The following ZMAT4 variants were observed in gnomAD, a reference collection of about 807,000 sequenced individuals.
ZMAT4 encodes zinc finger matrin-type 4, also known as zinc finger matrin-type protein 4.
A neutral mutation model predicts 28.7 loss-of-function variants in ZMAT4; 17 were observed. That is an observed-to-expected ratio of 0.59 (90% CI 0.41 to 0.89). ZMAT4 has a LOEUF of 0.89. Ranked by LOEUF, ZMAT4 falls within the 40% of genes least tolerant of loss-of-function variation. The pLI is 0.00. For missense variants in ZMAT4, 240 were observed against 283.8 expected (o/e 0.85, Z 1.11); for synonymous variants, 117 against 109.2 (o/e 1.07, Z -0.44).
chr8:40,815,808 G>A (rs1815508841), intron 2 of ZMAT4, among the ~76,000 whole-genome samples: 1 of 152,190 alleles, frequency 6.6e-6, no homozygotes, highest in African/African-American at 2.4e-5. Flanking sequence ...TCAATAGCTT[G>A]TTATTCTTTT....
intron 1 of ZMAT4, among the ~76,000 whole-genome samples, chr8:40,830,226 G>T (rs1816230394): frequency 6.6e-6 from 1 of 152,120 alleles, no homozygotes. Context: ...ACAGGTGCTT[G>T]TTTGTTACAT....
At chr8:40,801,352 A>ATATATATATATATATATATATG (rs1814833250) in intron 2 of ZMAT4, among the ~76,000 whole-genome samples, 2 of 72,144 alleles carry the variant, frequency 2.8e-5, no homozygotes, top group African/African-American at 9.2e-5. Context: ...AAAAAAAAAA[A>ATATATATATATATATATATATG]TATATATATA....
chr8:40,697,740 A>G (rs759321442), intron 3 of ZMAT4, among the ~76,000 whole-genome samples: 2 of 121,538 alleles, frequency 1.6e-5, no homozygotes, highest in Non-Finnish European at 3.3e-5. Context: ...GCCCCGGTGC[A>G]ATCTCTTTTT....
chr8:40,754,217 A>G (rs965919418), intron 3 of ZMAT4, among the ~76,000 whole-genome samples: 4 of 152,120 alleles, frequency 2.6e-5, no homozygotes, highest in African/African-American at 9.7e-5. Flanking sequence ...GCAAACAAAC[A>G]AGAGAGTATA....
chr8:40,873,216 C>G (rs149095509), intron 1 of ZMAT4, among the ~76,000 whole-genome samples: 2 of 152,338 alleles, frequency 1.3e-5, no homozygotes, highest in Non-Finnish European at 1.5e-5. Flanking sequence ...CTTGGATGCA[C>G]TGCCACATGT....
intron 3 of ZMAT4, among the ~76,000 whole-genome samples, chr8:40,699,694 G>A (rs1810048617): frequency 6.6e-6 from 1 of 151,982 alleles, no homozygotes; most frequent in African/African-American, 2.4e-5. Flanking sequence ...AGATTATCAG[G>A]GTGAAAGTGA....
At chr8:40,611,982 G>T (rs1805814063) in intron 5 of ZMAT4, among the ~76,000 whole-genome samples, 1 of 152,152 alleles carries the variant, frequency 6.6e-6, no homozygotes, top group African/African-American at 2.4e-5. Context: ...TTGTTGAAAG[G>T]CTGGAGTAGT....
intron 1 of ZMAT4, among the ~76,000 whole-genome samples, chr8:40,838,576 C>A (rs1816583566): frequency 6.6e-6 from 1 of 152,216 alleles, no homozygotes; most frequent in East Asian, 1.9e-4. Context: ...CCTTCTAATG[C>A]ACTCCTCACT....
intron 6 of ZMAT4, among the ~76,000 whole-genome samples, chr8:40,536,994 T>G (rs1466563508): frequency 6.6e-6 from 1 of 152,070 alleles, no homozygotes; most frequent in East Asian, 1.9e-4. Context: ...GTTCTCTGCA[T>G]GTTGATAGCT....
At chr8:40,637,566 C>G (rs1424182283) in intron 5 of ZMAT4, among the ~76,000 whole-genome samples, 1 of 152,214 alleles carries the variant, frequency 6.6e-6, no homozygotes, top group East Asian at 1.9e-4. Flanking sequence ...ATTTTAGAAA[C>G]ATAAATTCCC....
intron 2 of ZMAT4, among the ~76,000 whole-genome samples, chr8:40,782,039 C>A (rs1813856483): frequency 1.3e-5 from 2 of 152,048 alleles, no homozygotes; most frequent in Non-Finnish European, 2.9e-5. Context: ...AGATGTGACA[C>A]CAAAAGCACA....
chr8:40,606,332 G>A (rs1366354974), intron 5 of ZMAT4, among the ~76,000 whole-genome samples: 1 of 152,104 alleles, frequency 6.6e-6, no homozygotes, highest in Non-Finnish European at 1.5e-5. Flanking sequence ...TTTCTTTCAA[G>A]ATTTAAAGCT....
At chr8:40,763,873 C>CA in intron 3 of ZMAT4, among the ~76,000 whole-genome samples, 1 of 152,172 alleles carries the variant, frequency 6.6e-6, no homozygotes, top group Middle Eastern at 3.4e-3. Context: ...CCAAGCTTCT[C>CA]TATGTTTAGA....
At chr8:40,617,719 T>C (rs1338750593) in intron 5 of ZMAT4, among the ~76,000 whole-genome samples, 1 of 151,982 alleles carries the variant, frequency 6.6e-6, no homozygotes, top group Admixed American at 6.6e-5. Flanking sequence ...TGAAGCAGGG[T>C]CCCTGCATCA....
chr8:40,620,347 C>T (rs1289186186), intron 5 of ZMAT4, among the ~76,000 whole-genome samples: 2 of 152,224 alleles, frequency 1.3e-5, no homozygotes, highest in African/African-American at 4.8e-5. Flanking sequence ...ACGCTTTCTT[C>T]CATCCTTCCC....
chr8:40,876,358 G>C (rs893485991), intron 1 of ZMAT4, among the ~76,000 whole-genome samples: 1 of 152,002 alleles, frequency 6.6e-6, no homozygotes, highest in Non-Finnish European at 1.5e-5. Context: ...TCACTCTGTG[G>C]CCCAGGCTGG....
chr8:40,642,396 C>A (rs1038825955), intron 5 of ZMAT4, among the ~76,000 whole-genome samples: 2 of 152,174 alleles, frequency 1.3e-5, no homozygotes, highest in African/African-American at 4.8e-5. Flanking sequence ...TCTTCCTAAT[C>A]ATTGTGGCTG....
At chr8:40,861,486 G>A (rs1004667340) in intron 1 of ZMAT4, among the ~76,000 whole-genome samples, 12 of 152,174 alleles carry the variant, frequency 7.9e-5, no homozygotes, top group Admixed American at 1.3e-4. Flanking sequence ...AGAAAACCTA[G>A]GCAGTACCAT....
intron 2 of ZMAT4, among the ~76,000 whole-genome samples, chr8:40,818,193 A>C (rs553952497): frequency 6.6e-6 from 1 of 152,234 alleles, no homozygotes; most frequent in East Asian, 1.9e-4. Flanking sequence ...TTTGTGTTCC[A>C]GTGAACTATT....
Sources: gnomAD v4.1 joint callset for allele counts (sites outside exome capture counted in the v4.1 genomes callset) on GRCh38, gnomAD v4.1.1 for gene constraint, MANE v1.5 for transcripts, NCBI Gene and HGNC (gene_info 2026-07-23, HGNC 2026-07-21) for gene names.